Variants in LIPK observed in about 807,000 individuals in gnomAD.
LIPK encodes lipase family member K, also known as lipase member K.
A neutral mutation model predicts 48.6 loss-of-function variants in LIPK; 32 were observed. The ratio of observed to expected loss-of-function variants is 0.66; its 90% CI spans 0.50 to 0.88. LIPK has a LOEUF of 0.88. Among genes scored for constraint, LIPK ranks in the 40% least tolerant of loss-of-function variants. LIPK has a pLI of 0.00. For synonymous variants in LIPK, 164 were observed against 157.4 expected (o/e 1.04, Z -0.32); for missense variants, 507 against 478.5 (o/e 1.06, Z -0.56).
intron 1 of LIPK, among the ~76,000 whole-genome samples, chr10:88,708,441 G>A (rs1841973815): frequency 6.6e-6 from 1 of 151,846 alleles, no homozygotes; most frequent in South Asian, 2.1e-4. Context: ...ATTTGTTTTA[G>A]AAGTTTAAAA....
At chr10:88,717,941 T>C (rs1358135587) in intron 1 of LIPK, among the ~76,000 whole-genome samples, 1 of 152,036 alleles carries the variant, frequency 6.6e-6, no homozygotes, top group Admixed American at 6.6e-5. Flanking sequence ...CCTGGCTCCT[T>C]TCTTTAACTT....
intron 8 of LIPK, among the ~76,000 whole-genome samples, 198 bp downstream of exon 8, chr10:88,740,265 A>G (rs529999085): frequency 1.3e-4 from 20 of 152,266 alleles, no homozygotes; most frequent in African/African-American, 3.9e-4. Flanking sequence ...GGTTTTGAGC[A>G]TGGTTCTCAG....
chr10:88,711,787 G>A (rs2134681935), intron 1 of LIPK, among the ~76,000 whole-genome samples: 1 of 151,994 alleles, frequency 6.6e-6, no homozygotes, highest in East Asian at 1.9e-4. Flanking sequence ...TTTTTTTGAT[G>A]ATGTTTTTGA....
intron 6 of LIPK, 148 bp from the exon 7 acceptor site, chr10:88,737,487 A>C: frequency 1.3e-6 from 1 of 764,110 alleles, no homozygotes; most frequent in Non-Finnish European, 2.1e-6. Context: ...AAGGATTACA[A>C]AGCTAATAAC....
intron 8 of LIPK, among the ~76,000 whole-genome samples, chr10:88,740,877 C>T (rs17433712): frequency 0.036 from 5,541 of 152,020 alleles, 132 homozygotes; most frequent in Middle Eastern, 0.054. Flanking sequence ...TTTAGAGAAT[C>T]GCTACTATAG....
At chr10:88,737,863 C>A in intron 7 of LIPK, 82 bp downstream of exon 7, 1 of 1,441,388 alleles carries the variant, frequency 6.9e-7, no homozygotes, top group Non-Finnish European at 9.5e-7. Flanking sequence ...TGTATGGCAA[C>A]TGCAATTCAA....
chr10:88,715,944 A>G (rs905184804), intron 1 of LIPK, among the ~76,000 whole-genome samples: 26 of 152,114 alleles, frequency 1.7e-4, no homozygotes, highest in African/African-American at 6.3e-4. Context: ...CTGATGACTG[A>G]AAACAATTGA....
intron 3 of LIPK, chr10:88,728,412 T>A (rs763248178): frequency 9.7e-5 from 19 of 196,352 alleles, no homozygotes; most frequent in Admixed American, 2.3e-4. Flanking sequence ...AGGAAGAGGA[T>A]CTTCCAGGTG....
rs779182351 is a variant in LIPK at position 88,724,579 on chromosome 10, T to C, written c.36T>C (p.Leu12=). The change falls in exon 2 of 10, where the codon CTT becomes CTC. Residue 12 remains leucine (L), a synonymous_variant. Coordinates refer to ENST00000404190, the MANE Select transcript of LIPK (RefSeq NM_001080518.2). ...TTTTAGCAGCAGCATGCTGGATGCTTCTTCTTGGATCTATGTATGGTTATG... is the reference window on the plus strand; with the variant it reads ...TTTTAGCAGCAGCATGCTGGATGCTCCTTCTTGGATCTATGTATGGTTATG... ...WQLLAAACWM[L]LLGSMYGYDK... 1.9e-6 allele frequency: 3 copies of C among 1,610,186 alleles called. No individual in the cohort carries two copies. In the East Asian group the frequency reaches 6.7e-5, roughly 36 times the overall value.
At chr10:88,734,532 A>T (rs1034556312) in intron 6 of LIPK, among the ~76,000 whole-genome samples, 3 of 152,228 alleles carry the variant, frequency 2.0e-5, no homozygotes, top group Admixed American at 2.0e-4. Context: ...GAGCATGGAA[A>T]TATTTGCACA....
intron 7 of LIPK, among the ~76,000 whole-genome samples, chr10:88,739,170 C>T (rs202118125): frequency 4.8e-4 from 73 of 151,834 alleles, no homozygotes; most frequent in South Asian, 2.1e-4. Context: ...CTAAATATAC[C>T]GACTGAATTA....
At position 88,752,591 on chromosome 10, in the gene LIPK, G is replaced by T; in HGVS notation, c.1035G>T (p.Val345=). ...TATGGAATGGTGGACAGGACATTGT[G>T]GCTGATCCCAAGGATGTTGAAAATT... ...TAIWNGGQDI[V]ADPKDVENLL... The change falls in exon 10 of 10, where the codon GTG becomes GTT. Residue 345 remains valine (V), a synonymous_variant. Transcript: ENST00000404190. The T allele has an allele frequency of 6.4e-7, 1 of 1,573,140 alleles. No individual in the cohort carries two copies.
intron 1 of LIPK, among the ~76,000 whole-genome samples, chr10:88,722,227 A>G (rs420653): frequency 0.78 from 119,243 of 152,170 alleles, 47,689 homozygotes; most frequent in East Asian, 1. Flanking sequence ...CCCAGAAGAC[A>G]GATGTTGCAG....
chr10:88,726,796 G>A lies in LIPK; in HGVS notation c.107G>A (p.Ser36Asn), dbSNP rs55788049. The change falls in exon 3 of 10, where the codon AGC becomes AAC. Residue 36 changes from serine (S) to asparagine (N), a missense_variant and splice_region_variant. Physicochemically the swap from Ser to Asn is conservative, Grantham distance 46. Coordinates refer to ENST00000404190, the MANE Select transcript of LIPK (RefSeq NM_001080518.2). Reference sequence around the variant, plus strand: ...ATATATTTCCTTTCCTCTTTTTAGAGCCAGATTATTTCTTACTGGGGTTAT... The same window carrying A: ...ATATATTTCCTTTCCTCTTTTTAGAACCAGATTATTTCTTACTGGGGTTAT... ...NANPEANMNI[S>N]QIISYWGYPY... 3.2e-3 allele frequency: 4,691 copies of A among 1,485,516 alleles called. 15 individuals are homozygous for A. The highest frequency in any genetic ancestry group is 3.8e-3 in the Non-Finnish European group (4,077 of 1,067,746). 92.0% of individuals were successfully genotyped at this position (1,485,516 alleles called of 1,614,324 possible).
At chr10:88,728,527 C>A (rs142147657) in intron 3 of LIPK, 2 of 311,346 alleles carry the variant, frequency 6.4e-6, no homozygotes, top group East Asian at 1.7e-4. Context: ...GCTGAGCCTG[C>A]AGAGCTGGAG....
chr10:88,748,931 A>G (rs1383951640), intron 9 of LIPK, among the ~76,000 whole-genome samples: 1 of 150,662 alleles, frequency 6.6e-6, no homozygotes, highest in African/African-American at 2.4e-5. Context: ...ACTGATAAAT[A>G]ACTTCAGTAA....
intron 1 of LIPK, among the ~76,000 whole-genome samples, chr10:88,711,846 A>G (rs1442751822): frequency 2.0e-5 from 3 of 151,806 alleles, no homozygotes; most frequent in Non-Finnish European, 4.4e-5. Flanking sequence ...TTTTTTGCTT[A>G]TGGTTAGTTG....
chr10:88,747,498 C>G (rs989960227), intron 9 of LIPK, among the ~76,000 whole-genome samples: 2 of 152,076 alleles, frequency 1.3e-5, no homozygotes, highest in Admixed American at 6.6e-5. Flanking sequence ...ATCACATAAA[C>G]AGAACTAAAA....
chr10:88,749,058 C>G (rs1842820206), intron 9 of LIPK, among the ~76,000 whole-genome samples: 1 of 152,106 alleles, frequency 6.6e-6, no homozygotes, highest in African/African-American at 2.4e-5. Flanking sequence ...GTGAATACAG[C>G]TAATCAGGGA....
Sources: allele counts gnomAD v4.1 joint callset (sites outside exome capture counted in the v4.1 genomes callset), GRCh38; gene constraint gnomAD v4.1.1; transcripts MANE v1.5; gene names NCBI Gene and HGNC (gene_info 2026-07-23, HGNC 2026-07-21).